RHPN2: variants seen among roughly 807,000 people sequenced by gnomAD.
The protein encoded by RHPN2 is rhophilin-2.
RHPN2 carries 40 observed loss-of-function variants against 79.0 expected under a neutral mutation model. That is an observed-to-expected ratio of 0.51 (90% CI 0.39 to 0.66). The LOEUF is 0.66. RHPN2 is among the 30% of genes least tolerant of loss of function. The pLI, the probability that RHPN2 is intolerant of heterozygous loss-of-function variation, is 0.00. For missense variants in RHPN2, 686 were observed against 883.5 expected, an observed-to-expected ratio of 0.78 and a Z score of 2.83; for synonymous variants, 285 against 363.5, an observed-to-expected ratio of 0.78 and a Z score of 2.46.
At chr19:33,043,345 G>A (rs753351200) in intron 2 of RHPN2, among the ~76,000 whole-genome samples, 28 of 151,926 alleles carry the variant, frequency 1.8e-4, no homozygotes, top group Non-Finnish European at 3.2e-4. Context: ...GAGGCCAGGC[G>A]TTCAAGACCA....
chr19:33,035,546 A>G (rs1972049379), intron 2 of RHPN2, among the ~76,000 whole-genome samples: 1 of 152,214 alleles, frequency 6.6e-6, no homozygotes, highest in East Asian at 1.9e-4. Flanking sequence ...TGGTGCAACC[A>G]TGATTCAGAA....
chr19:32,980,188 A>G lies in RHPN2; in HGVS notation c.1869T>C (p.Asp623=). The G allele has an allele frequency of 6.2e-7, 1 of 1,613,972 alleles. No homozygotes were observed. Among genetic ancestry groups the G allele is most frequent in the Non-Finnish European group, 8.5e-7 (1 of 1,179,870 alleles). ...KTYSMICLAI[D]DDDKTDKTKK... is the part of the protein sequence containing the mutation. ...TGGTTTTATCAGTTTTGTCGTCATCATCAATGGCTAAGCAGATCATGGAGT... is the reference window on the plus strand; with the variant it reads ...TGGTTTTATCAGTTTTGTCGTCATCGTCAATGGCTAAGCAGATCATGGAGT... The change falls in exon 15 of 15, where the codon GAT becomes GAC. Residue 623 remains aspartate (D), a synonymous_variant. Coordinates refer to ENST00000254260, the MANE Select transcript of RHPN2 (RefSeq NM_033103.5).
chr19:32,998,689 G>A (rs1258561366), intron 10 of RHPN2, among the ~76,000 whole-genome samples: 1 of 81,970 alleles, frequency 1.2e-5, no homozygotes, highest in Non-Finnish European at 2.3e-5. Context: ...AGGGAGGACG[G>A]GTAGATGGGG....
At chr19:33,012,357 A>G (rs1971842160) in intron 5 of RHPN2, among the ~76,000 whole-genome samples, 1 of 152,010 alleles carries the variant, frequency 6.6e-6, no homozygotes, top group African/African-American at 2.4e-5. Context: ...TTGTATTTTT[A>G]GTAGAGACAG....
At chr19:33,053,311 T>G (rs1854755187) in intron 1 of RHPN2, among the ~76,000 whole-genome samples, 1 of 151,890 alleles carries the variant, frequency 6.6e-6, no homozygotes, top group Admixed American at 6.6e-5. Flanking sequence ...GCTTTTACTG[T>G]GCCTCCCACC....
At chr19:32,991,515 C>A in intron 13 of RHPN2, 2 of 368,942 alleles carry the variant, frequency 5.4e-6, no homozygotes, top group Non-Finnish European at 1.0e-5. Context: ...GCCTGTAATC[C>A]CAGCTACTCA....
intron 1 of RHPN2, among the ~76,000 whole-genome samples, chr19:33,056,692 C>T (rs752942105): frequency 4.7e-4 from 71 of 152,036 alleles, no homozygotes; most frequent in Non-Finnish European, 7.8e-4. Flanking sequence ...TAGAGCTGTA[C>T]CTCTGTTTAA....
intron 2 of RHPN2, among the ~76,000 whole-genome samples, chr19:33,032,171 T>C (rs1252523271): frequency 1.3e-5 from 2 of 151,758 alleles, no homozygotes; most frequent in Admixed American, 1.3e-4. Context: ...CAGGAGCCTG[T>C]CACCATACCC....
chr19:33,050,984 A>T (rs1239948663), intron 1 of RHPN2, among the ~76,000 whole-genome samples: 1 of 152,112 alleles, frequency 6.6e-6, no homozygotes, highest in Non-Finnish European at 1.5e-5. Flanking sequence ...AAGTTTACCT[A>T]GAGTGAAAAC....
intron 5 of RHPN2, 47 bp downstream of exon 5, chr19:33,012,600 G>C: frequency 8.4e-7 from 1 of 1,189,340 alleles, no homozygotes; most frequent in East Asian, 2.3e-5. Flanking sequence ...GTTCCCTGAA[G>C]ACTCGGAAAA....
intron 14 of RHPN2, among the ~76,000 whole-genome samples, chr19:32,988,790 A>G (rs1971631276): frequency 6.6e-6 from 1 of 152,174 alleles, no homozygotes; most frequent in Non-Finnish European, 1.5e-5. Flanking sequence ...ATCCCTGCCT[A>G]GATAGAGCCT....
intron 2 of RHPN2, among the ~76,000 whole-genome samples, chr19:33,033,494 A>G: frequency 6.6e-6 from 1 of 152,192 alleles, no homozygotes; most frequent in Middle Eastern, 3.2e-3. Flanking sequence ...TGAACCTGGG[A>G]AGCGAAGATT....
chr19:33,041,814 A>C (rs1188245552), intron 2 of RHPN2, among the ~76,000 whole-genome samples: 1 of 152,088 alleles, frequency 6.6e-6, no homozygotes, highest in African/African-American at 2.4e-5. Context: ...GTCTCCTCCC[A>C]TCCTCCAACA....
chr19:33,025,848 A>G (rs1971961386), intron 3 of RHPN2, among the ~76,000 whole-genome samples: 1 of 152,210 alleles, frequency 6.6e-6, no homozygotes, highest in Non-Finnish European at 1.5e-5. Context: ...ATATCTTGCT[A>G]ATGTTTGCGT....
rs1054548274 is a variant in RHPN2, at chr19:32,984,687, C to T, written c.1801-4431G>A. Among the ~76,000 whole-genome samples the T allele has an allele frequency of 7.2e-4, 110 of 152,214 alleles. 1 individual carries two copies. Among genetic ancestry groups the T allele is most frequent in the African/African-American group, 2.4e-3 (100 of 41,546 alleles). On this transcript the variant is annotated intron_variant, in intron 14 of 14. Coordinates refer to ENST00000254260, the MANE Select transcript of RHPN2 (RefSeq NM_033103.5). ...AAAAAAAGAGCCAGGTACAGTGGCT[C>T]ACGCCTGTAATCCCAACTATTCGGG...
chr19:32,987,790 T>C (rs548059289), intron 14 of RHPN2, among the ~76,000 whole-genome samples: 1 of 152,342 alleles, frequency 6.6e-6, no homozygotes, highest in Non-Finnish European at 1.5e-5. Flanking sequence ...TCCTCCTTTA[T>C]GCTTACGTCT....
chr19:32,995,522 G>A (rs1247369451), intron 11 of RHPN2, among the ~76,000 whole-genome samples: 1 of 152,028 alleles, frequency 6.6e-6, no homozygotes, highest in African/African-American at 2.4e-5. Flanking sequence ...TCTAACAAAG[G>A]ATCCCAGGGC....
chr19:33,058,704 C>T (rs1293124130), intron 1 of RHPN2, among the ~76,000 whole-genome samples: 1 of 152,134 alleles, frequency 6.6e-6, no homozygotes, highest in African/African-American at 2.4e-5. Flanking sequence ...CACTTGAACC[C>T]GGGAGGCGGA....
chr19:33,056,888 T>C (rs1972236966), intron 1 of RHPN2, among the ~76,000 whole-genome samples: 1 of 146,866 alleles, frequency 6.8e-6, no homozygotes, highest in Non-Finnish European at 1.5e-5. Flanking sequence ...GGCGGGCAGA[T>C]CACAAGGTCA....
Sources: allele counts gnomAD v4.1 joint callset (sites outside exome capture counted in the v4.1 genomes callset), GRCh38; gene constraint gnomAD v4.1.1; transcripts MANE v1.5; gene names NCBI Gene and HGNC (gene_info 2026-07-23, HGNC 2026-07-21).